SHANK2: variants seen among roughly 807,000 people sequenced by gnomAD.
SHANK2 encodes SH3 and multiple ankyrin repeat domains 2, also known as SH3 and multiple ankyrin repeat domains protein 2.
SHANK2 carries 43 observed loss-of-function variants against 133.7 expected under a neutral mutation model. The ratio of observed to expected loss-of-function variants is 0.32; its 90% confidence interval spans 0.25 to 0.41. SHANK2 has a LOEUF of 0.41. SHANK2 is among the 10% of genes least tolerant of loss of function. The pLI is 1.00. For missense variants in SHANK2, 1,994 were observed against 2,235.8 expected (o/e 0.89, Z 2.18); for synonymous variants, 1,017 against 952.8 (o/e 1.07, Z -1.24).
At chr11:71,133,984 C>T (rs564241178) in intron 3 of SHANK2, among the ~76,000 whole-genome samples, 5 of 150,370 alleles carry the variant, frequency 3.3e-5, no homozygotes, top group Non-Finnish European at 5.9e-5. Flanking sequence ...ATCCCCCTGC[C>T]TGAGCCTTCT....
At chr11:71,177,638 T>C (rs1286586818) in intron 2 of SHANK2, among the ~76,000 whole-genome samples, 1 of 151,998 alleles carries the variant, frequency 6.6e-6, no homozygotes, top group Admixed American at 6.5e-5. Context: ...AGAAAATAAA[T>C]AGTAAGATGA....
intron 17 of SHANK2, among the ~76,000 whole-genome samples, chr11:70,551,209 G>A (rs956096930): frequency 5.3e-5 from 8 of 152,312 alleles, no homozygotes; most frequent in Admixed American, 3.9e-4. Context: ...TTCCCCTGGT[G>A]TTGCCTATGA....
chr11:70,527,332 C>T (rs551395695), intron 17 of SHANK2, among the ~76,000 whole-genome samples: 1 of 152,174 alleles, frequency 6.6e-6, no homozygotes, highest in Non-Finnish European at 1.5e-5. Context: ...CCGGGCTGGA[C>T]TCACCCTGAC....
chr11:70,509,741 AGGCGGAG>A (rs1554968993), intron 17 of SHANK2, among the ~76,000 whole-genome samples: 320 of 152,274 alleles, frequency 2.1e-3, no homozygotes, highest in Non-Finnish European at 3.9e-3. Flanking sequence ...TTACATCATG[AGGCGGAG>A]CCTTCGTGAA....
chr11:70,853,653 C>A (rs999330107), intron 11 of SHANK2, among the ~76,000 whole-genome samples: 1 of 152,186 alleles, frequency 6.6e-6, no homozygotes, highest in African/African-American at 2.4e-5. Context: ...AGTGAAAATA[C>A]AGGATGCGTC....
At chr11:71,246,279 T>C (rs1399129313) in intron 1 of SHANK2, among the ~76,000 whole-genome samples, 2 of 152,060 alleles carry the variant, frequency 1.3e-5, no homozygotes, top group Non-Finnish European at 2.9e-5. Context: ...GACTGCCAGC[T>C]GTCCAGACTC....
chr11:70,628,451 G>GT (rs2060934450), intron 17 of SHANK2, among the ~76,000 whole-genome samples: 2 of 152,178 alleles, frequency 1.3e-5, no homozygotes, highest in South Asian at 2.1e-4. Flanking sequence ...TGCTCGCAAA[G>GT]TAAGCATAGT....
intron 4 of SHANK2, among the ~76,000 whole-genome samples, chr11:71,115,767 G>A (rs1370743147): frequency 7.2e-5 from 11 of 152,156 alleles, no homozygotes; most frequent in South Asian, 4.2e-4. Context: ...TGGTCTTCTC[G>A]CCCAGTTTTC....
chr11:70,469,666 A>G lies in SHANK2; in HGVS notation c.*3203T>C, dbSNP rs2135642997. ...ACAAAAAAAAATTGTTAATGGGAAA[A>G]TCAATATTGTGGCCCACACACAAAA... On this transcript the variant is annotated 3_prime_UTR_variant, in exon 26 of 26. Transcript: ENST00000601538. 2.0e-5 allele frequency: 3 copies of G among 152,740 alleles called. 1 individual carries two copies. In the Middle Eastern group the frequency reaches 0.01, roughly 520 times the overall value. The allele number at this position is 152,740 out of a possible 1,614,324, so 9.5% of individuals were successfully genotyped here.
intron 15 of SHANK2, among the ~76,000 whole-genome samples, chr11:70,670,440 C>T (rs782532303): frequency 3.3e-5 from 5 of 152,326 alleles, no homozygotes; most frequent in African/African-American, 7.2e-5. Flanking sequence ...GATGCCAGCT[C>T]GGGCGCTTTG....
At chr11:70,590,347 T>C (rs1390042661) in intron 17 of SHANK2, among the ~76,000 whole-genome samples, 1 of 152,156 alleles carries the variant, frequency 6.6e-6, no homozygotes, top group African/African-American at 2.4e-5. Context: ...TAACAAAGGA[T>C]TGAGAATATT....
At chr11:71,145,602 A>G (rs551593543) in intron 3 of SHANK2, among the ~76,000 whole-genome samples, 1 of 152,280 alleles carries the variant, frequency 6.6e-6, no homozygotes, top group African/African-American at 2.4e-5. Flanking sequence ...GGAGACACAC[A>G]TTTAGCCCTC....
Position 70,810,752 on chromosome 11 carries a change from G to C in SHANK2, c.1494-3581C>G, listed in dbSNP as rs372777482. ...GGGCGAATCCCCACCACCTGTGGTT[G>C]CTGGGAGACTAATGAGAAAATGCAG... On this transcript the variant is annotated intron_variant, in intron 12 of 25. Coordinates refer to ENST00000601538, the MANE Select transcript of SHANK2 (RefSeq NM_012309.5). Among the ~76,000 whole-genome samples, 7 of 152,322 alleles carry C rather than the reference G, an allele frequency of 4.6e-5. No individual in the cohort carries two copies. In the South Asian group the frequency reaches 1.2e-3, roughly 27 times the overall value.
At chr11:71,117,744 C>T (rs544510794) in intron 4 of SHANK2, among the ~76,000 whole-genome samples, 135 of 152,330 alleles carry the variant, frequency 8.9e-4, no homozygotes, top group Non-Finnish European at 1.7e-3. Flanking sequence ...AGCTCCTGCA[C>T]GCTGGGCCCT....
chr11:70,600,049 A>G (rs2060471765), intron 17 of SHANK2, among the ~76,000 whole-genome samples: 1 of 152,196 alleles, frequency 6.6e-6, no homozygotes, highest in Non-Finnish European at 1.5e-5. Flanking sequence ...ATTCTGGGTC[A>G]ATGCAATTCT....
intron 14 of SHANK2, among the ~76,000 whole-genome samples, chr11:70,767,479 C>T (rs1160595367): frequency 6.6e-6 from 1 of 152,158 alleles, no homozygotes; most frequent in Non-Finnish European, 1.5e-5. Context: ...CAGATGAGCA[C>T]ATAACGAACA....
chr11:70,521,072 G>C (rs1554970927), intron 17 of SHANK2, among the ~76,000 whole-genome samples: 1 of 152,120 alleles, frequency 6.6e-6, no homozygotes, highest in East Asian at 1.9e-4. Flanking sequence ...CCTTGCTTTT[G>C]GATGTGACAA....
intron 17 of SHANK2, among the ~76,000 whole-genome samples, chr11:70,599,582 T>C (rs1591631635): frequency 1.4e-5 from 1 of 73,752 alleles, no homozygotes; most frequent in South Asian, 6.9e-4. Context: ...CACTCCAGCC[T>C]GGGCGACAGC....
chr11:71,126,216 C>CAAAAA lies in SHANK2; in HGVS notation c.208-7189_208-7185dup, dbSNP rs1170621448. Reference sequence around the variant, plus strand: ...CTGGTGACAGAGTGAGACTCCGTCTCAAAAAAAAAAAAAAAAAAAAAAAAG... The same window carrying CAAAAA: ...CTGGTGACAGAGTGAGACTCCGTCTCAAAAAAAAAAAAAAAAAAAAAAAAAAAAAG... On this transcript the variant is annotated intron_variant, in intron 3 of 25. Transcript: ENST00000601538. Among the ~76,000 whole-genome samples the CAAAAA allele has an allele frequency of 4.1e-3, 261 of 64,410 alleles. 33 individuals are homozygous for CAAAAA. Among genetic ancestry groups the CAAAAA allele is most frequent in the African/African-American group, 8.2e-3 (137 of 16,636 alleles). 42.3% of individuals were successfully genotyped at this position (64,410 alleles called of 152,430 possible).
Sources: allele counts gnomAD v4.1 joint callset (sites outside exome capture counted in the v4.1 genomes callset), GRCh38; gene constraint gnomAD v4.1.1; transcripts MANE v1.5; gene names NCBI Gene and HGNC (gene_info 2026-07-23, HGNC 2026-07-21).